SEMA5A: variants seen among roughly 807,000 people sequenced by gnomAD.
SEMA5A encodes the protein semaphorin 5A, also known as semaphorin-5A.
A neutral mutation model predicts 135.5 loss-of-function variants in SEMA5A; 55 were observed. The observed-to-expected ratio is 0.41, with a 90% CI of 0.33 to 0.51. SEMA5A has a LOEUF of 0.51. Among genes scored for constraint, SEMA5A ranks in the 20% least tolerant of loss-of-function variants. The pLI, the probability that SEMA5A is intolerant of heterozygous loss-of-function variation, is 0.37. For synonymous variants in SEMA5A, 580 were observed against 546.5 expected (o/e 1.06, Z -0.85); for missense variants, 1,290 against 1,419.9 (o/e 0.91, Z 1.47).
chr5:9,331,512 C>T (rs1753129757), intron 4 of SEMA5A, among the ~76,000 whole-genome samples: 1 of 152,134 alleles, frequency 6.6e-6, no homozygotes, highest in Non-Finnish European at 1.5e-5. Flanking sequence ...TTAAGCTTAA[C>T]CAATCAGAAA....
intron 2 of SEMA5A, among the ~76,000 whole-genome samples, chr5:9,423,103 G>A (rs1456178157): frequency 6.6e-6 from 1 of 152,120 alleles, no homozygotes; most frequent in African/African-American, 2.4e-5. Context: ...CCACCGCCAT[G>A]CAGCAGAGAA....
rs143957115 is a variant in SEMA5A at position 9,301,112 on chromosome 5, A to G, written c.270+17260T>C. ...GACTGGTTTAAATGTGACTTCAGAAAAACTTTGACAACTATATTAACAAGC... is the reference window on the plus strand; with the variant it reads ...GACTGGTTTAAATGTGACTTCAGAAGAACTTTGACAACTATATTAACAAGC... On this transcript the variant is annotated intron_variant, in intron 5 of 22. Coordinates refer to ENST00000382496, the MANE Select transcript of SEMA5A (RefSeq NM_003966.3). Among the ~76,000 whole-genome samples the G allele has an allele frequency of 2.5e-3, 381 of 152,344 alleles. 2 individuals carry two copies. The highest frequency in any genetic ancestry group is 8.6e-3 in the African/African-American group (358 of 41,588).
intron 1 of SEMA5A, among the ~76,000 whole-genome samples, chr5:9,490,084 T>C (rs539273740): frequency 2.0e-5 from 3 of 152,248 alleles, no homozygotes; most frequent in Admixed American, 1.3e-4. Flanking sequence ...GCTATGCAGG[T>C]AAGATAATAA....
Position 9,368,990 on chromosome 5 carries a change from C to T in SEMA5A, c.124+10833G>A, listed in dbSNP as rs1448678109. Among the ~76,000 whole-genome samples, 7 of 152,168 alleles carry T rather than the reference C, an allele frequency of 4.6e-5. No individual in the cohort carries two copies. The East Asian group carries it at 1.4e-3, about 29-fold the overall frequency. On this transcript the variant is annotated intron_variant, in intron 3 of 22. Coordinates refer to ENST00000382496, the MANE Select transcript of SEMA5A (RefSeq NM_003966.3). ...TGTCACATTTCCCAAGTGGCTGAAT[C>T]ATTATGCATCATCATCCTGCATTAT...
chr5:9,525,887 AT>A (rs920393355), intron 1 of SEMA5A, among the ~76,000 whole-genome samples: 3 of 152,214 alleles, frequency 2.0e-5, no homozygotes, highest in Non-Finnish European at 4.4e-5. Flanking sequence ...ATGTGAAATA[AT>A]TGAGTCTAGA....
chr5:9,474,614 C>A (rs1258268617), intron 1 of SEMA5A, among the ~76,000 whole-genome samples: 1 of 152,230 alleles, frequency 6.6e-6, no homozygotes. Context: ...CGGCATGCAT[C>A]TTTTTCTAGC....
chr5:9,383,905 G>A (rs988151411), intron 2 of SEMA5A, among the ~76,000 whole-genome samples: 5 of 152,212 alleles, frequency 3.3e-5, no homozygotes, highest in East Asian at 1.9e-4. Context: ...TTTGGAAAGC[G>A]ACAATTAGAG....
At position 9,042,629 on chromosome 5, in the gene SEMA5A, T is replaced by C. The variant is rs545015604; in HGVS notation, c.*268A>G. 23 of 391,392 alleles carry C rather than the reference T, an allele frequency of 5.9e-5. 1 individual carries two copies. The South Asian group carries it at 7.2e-4, about 12-fold the overall frequency. 24.2% of individuals were successfully genotyped at this position (391,392 alleles called of 1,614,324 possible). On this transcript the variant is annotated 3_prime_UTR_variant, in exon 23 of 23. Transcript: ENST00000382496. ...AAATAATGCTCAAAAAACAAACCAA[T>C]GGACTTGTCAGAAAAATAGGATGAA...
intron 5 of SEMA5A, among the ~76,000 whole-genome samples, chr5:9,285,467 A>C (rs532559106): frequency 6.6e-6 from 1 of 152,222 alleles, no homozygotes; most frequent in South Asian, 2.1e-4. Flanking sequence ...ATTGACAAGA[A>C]ACTCTTTAGT....
intron 12 of SEMA5A, among the ~76,000 whole-genome samples, chr5:9,146,677 A>G (rs1251063211): frequency 6.6e-6 from 1 of 152,174 alleles, no homozygotes; most frequent in East Asian, 1.9e-4. Flanking sequence ...TTTTACTTAC[A>G]CCAGAATTTC....
At chr5:9,123,294 A>AAAAAAAAAAAAAAAAAT (rs1740924968) in intron 13 of SEMA5A, among the ~76,000 whole-genome samples, 1 of 142,628 alleles carries the variant, frequency 7.0e-6, no homozygotes, top group Non-Finnish European at 1.5e-5. Flanking sequence ...AAAAAAAAAA[A>AAAAAAAAAAAAAAAAAT]GATTGCATAA....
intron 2 of SEMA5A, among the ~76,000 whole-genome samples, chr5:9,425,759 G>A (rs1251929582): frequency 6.6e-6 from 1 of 152,172 alleles, no homozygotes; most frequent in African/African-American, 2.4e-5. Context: ...GCAATAAATT[G>A]TAAAATAGGT....
At chr5:9,282,699 G>A (rs556550130) in intron 5 of SEMA5A, among the ~76,000 whole-genome samples, 13 of 152,178 alleles carry the variant, frequency 8.5e-5, no homozygotes, top group South Asian at 4.2e-4. Flanking sequence ...CCAAACAGCC[G>A]CCTCCCGTGT....
chr5:9,535,227 T>C (rs1225241755), intron 1 of SEMA5A, among the ~76,000 whole-genome samples: 5 of 152,252 alleles, frequency 3.3e-5, no homozygotes, highest in African/African-American at 1.2e-4. Flanking sequence ...AGGCGTAAGC[T>C]TTCAAGTGAA....
chr5:9,224,892 G>A lies in SEMA5A; in HGVS notation c.433-5C>T, dbSNP rs1478409943. On this transcript the variant is annotated splice_region_variant and splice_polypyrimidine_tract_variant and intron_variant, in intron 7 of 22. Transcript: ENST00000382496. ...GATCTCAGTCAGGTTGCTCAACTGT[G>A]GGGGAGGATGAGAGGGAAAGCAGTT... The A allele has an allele frequency of 1.7e-5, 28 of 1,609,840 alleles. No homozygotes were observed. Among genetic ancestry groups the A allele is most frequent in the South Asian group, 3.3e-5 (3 of 90,866 alleles).
chr5:9,222,689 T>C, intron 8 of SEMA5A, among the ~76,000 whole-genome samples: 1 of 152,214 alleles, frequency 6.6e-6, no homozygotes, highest in East Asian at 1.9e-4. Flanking sequence ...CAAATAACAA[T>C]GTTATGCCTG....
intron 16 of SEMA5A, among the ~76,000 whole-genome samples, chr5:9,094,243 A>G (rs1429492644): frequency 1.3e-5 from 2 of 152,220 alleles, no homozygotes; most frequent in Non-Finnish European, 2.9e-5. Context: ...TCTGCAAAGT[A>G]TAGTACCACA....
chr5:9,105,802 A>G (rs1739881620), intron 16 of SEMA5A, among the ~76,000 whole-genome samples: 1 of 152,248 alleles, frequency 6.6e-6, no homozygotes. Context: ...TATCTTGATA[A>G]TAGAACTCAA....
At chr5:9,203,697 C>T (rs942255178) in intron 8 of SEMA5A, among the ~76,000 whole-genome samples, 5 of 152,108 alleles carry the variant, frequency 3.3e-5, no homozygotes, top group Non-Finnish European at 5.9e-5. Context: ...TGATACTTTT[C>T]CCTTCAGTAC....
Sources: allele counts gnomAD v4.1 joint callset (sites outside exome capture counted in the v4.1 genomes callset), GRCh38; gene constraint gnomAD v4.1.1; transcripts MANE v1.5; gene names NCBI Gene and HGNC (gene_info 2026-07-23, HGNC 2026-07-21).